Variants in KCNH5 observed in about 807,000 individuals in gnomAD.
KCNH5 encodes the protein voltage-gated delayed rectifier potassium channel KCNH5.
KCNH5 carries 46 observed loss-of-function variants against 96.1 expected under a neutral mutation model. That is an observed-to-expected ratio of 0.48 (90% CI 0.38 to 0.61). KCNH5 has a LOEUF of 0.61. KCNH5 is among the 20% of genes least tolerant of loss of function. KCNH5 has a pLI of 0.00. For synonymous variants in KCNH5, 439 were observed against 449.8 expected, an observed-to-expected ratio of 0.98 and a Z score of 0.30; for missense variants, 907 against 1,225.8, an observed-to-expected ratio of 0.74 and a Z score of 3.88.
intron 10 of KCNH5, among the ~76,000 whole-genome samples, chr14:62,722,018 T>C (rs772969783): frequency 2.0e-5 from 3 of 152,218 alleles, no homozygotes; most frequent in Non-Finnish European, 4.4e-5. Flanking sequence ...AGCACTGGAA[T>C]TGCCACCTAA....
intron 7 of KCNH5, among the ~76,000 whole-genome samples, chr14:62,923,567 T>C (rs1427705982): frequency 6.6e-6 from 1 of 151,910 alleles, no homozygotes; most frequent in Non-Finnish European, 1.5e-5. Context: ...GATTTCAAAT[T>C]ATATTACAAA....
chr14:62,907,639 C>G (rs1889055737), intron 7 of KCNH5, among the ~76,000 whole-genome samples: 1 of 152,180 alleles, frequency 6.6e-6, no homozygotes, highest in Non-Finnish European at 1.5e-5. Flanking sequence ...ATTGCCTAGA[C>G]AAGGAGTCTG....
chr14:62,748,868 G>T (rs1363086061), intron 10 of KCNH5, among the ~76,000 whole-genome samples: 3 of 152,076 alleles, frequency 2.0e-5, no homozygotes, highest in Non-Finnish European at 4.4e-5. Flanking sequence ...TCCCACAAAA[G>T]CAAAGTAAAA....
At chr14:62,708,971 C>A in intron 10 of KCNH5, among the ~76,000 whole-genome samples, 1 of 152,126 alleles carries the variant, frequency 6.6e-6, no homozygotes, top group Non-Finnish European at 1.5e-5. Flanking sequence ...GTTGGCCGGG[C>A]GCGGCGGCTC....
intron 1 of KCNH5, among the ~76,000 whole-genome samples, chr14:63,027,008 T>C (rs374355438): frequency 6.6e-6 from 1 of 152,028 alleles, no homozygotes; most frequent in South Asian, 2.1e-4. Flanking sequence ...TAATGAAATA[T>C]TATACAGCCT....
chr14:62,897,207 T>C (rs1279687900), intron 7 of KCNH5, among the ~76,000 whole-genome samples: 2 of 151,688 alleles, frequency 1.3e-5, no homozygotes, highest in Non-Finnish European at 2.9e-5. Flanking sequence ...CTAAAGACAA[T>C]GCATGAGTCC....
chr14:62,915,960 C>CT (rs71451285), intron 7 of KCNH5, among the ~76,000 whole-genome samples: 28,100 of 136,036 alleles, frequency 0.21, 3,189 homozygotes, highest in African/African-American at 0.3. Flanking sequence ...TCTTTTTTTT[C>CT]TTTTTTTTTT....
intron 7 of KCNH5, among the ~76,000 whole-genome samples, chr14:62,851,976 A>G (rs945954475): frequency 6.6e-6 from 1 of 152,150 alleles, no homozygotes; most frequent in Non-Finnish European, 1.5e-5. Flanking sequence ...AATGTATTAA[A>G]AGTCTGCAGC....
intron 8 of KCNH5, among the ~76,000 whole-genome samples, chr14:62,806,662 T>C (rs1007483594): frequency 6.6e-6 from 1 of 151,914 alleles, no homozygotes; most frequent in East Asian, 1.9e-4. Context: ...AGTTAGAGTC[T>C]CTCCCAAGAC....
chr14:62,974,074 A>G, intron 6 of KCNH5, among the ~76,000 whole-genome samples: 1 of 152,244 alleles, frequency 6.6e-6, no homozygotes, highest in East Asian at 1.9e-4. Flanking sequence ...ACAATAATTT[A>G]GAAAATTATC....
intron 10 of KCNH5, among the ~76,000 whole-genome samples, chr14:62,773,734 C>T (rs1285605420): frequency 6.6e-6 from 1 of 152,184 alleles, no homozygotes; most frequent in Non-Finnish European, 1.5e-5. Flanking sequence ...AAATCTCAGG[C>T]ATGCTTATTG....
chr14:62,851,734 C>T (rs1278765936), intron 7 of KCNH5, among the ~76,000 whole-genome samples: 2 of 151,920 alleles, frequency 1.3e-5, no homozygotes, highest in Non-Finnish European at 2.9e-5. Context: ...TTTAGTAGTG[C>T]TCAGCTATCA....
At chr14:62,800,898 C>T (rs180779777) in intron 9 of KCNH5, among the ~76,000 whole-genome samples, 5 of 151,430 alleles carry the variant, frequency 3.3e-5, no homozygotes, top group Admixed American at 3.3e-4. Flanking sequence ...TTAAACATAC[C>T]CAGAATGTTG....
intron 9 of KCNH5, among the ~76,000 whole-genome samples, chr14:62,789,880 T>C (rs1489112851): frequency 6.6e-6 from 1 of 151,952 alleles, no homozygotes; most frequent in South Asian, 2.1e-4. Context: ...TTGTTTCCCT[T>C]GCTGTACAGA....
At chr14:62,737,955 T>C (rs1885193485) in intron 10 of KCNH5, among the ~76,000 whole-genome samples, 1 of 152,098 alleles carries the variant, frequency 6.6e-6, no homozygotes, top group Non-Finnish European at 1.5e-5. Context: ...ATTTTTCCTA[T>C]ACCCGCCTAC....
chr14:62,862,379 G>A (rs1030140501), intron 7 of KCNH5, among the ~76,000 whole-genome samples: 10 of 152,100 alleles, frequency 6.6e-5, no homozygotes, highest in African/African-American at 2.4e-4. Flanking sequence ...GTCTTAATAT[G>A]TCTTCTGGCT....
chr14:63,044,521 A>C (rs1891885371), intron 1 of KCNH5, among the ~76,000 whole-genome samples: 1 of 152,234 alleles, frequency 6.6e-6, no homozygotes, highest in South Asian at 2.1e-4. Context: ...AGCAAGAAGA[A>C]ACTTGAAGCA....
chr14:62,765,640 CA>C (rs1185073820), intron 10 of KCNH5, among the ~76,000 whole-genome samples: 1 of 152,008 alleles, frequency 6.6e-6, no homozygotes, highest in Non-Finnish European at 1.5e-5. Flanking sequence ...GACTAATATC[CA>C]GAATCTAAAA....
At chr14:62,976,130 G>A (rs1890494139) in intron 6 of KCNH5, among the ~76,000 whole-genome samples, 2 of 151,510 alleles carry the variant, frequency 1.3e-5, no homozygotes, top group South Asian at 4.1e-4. Context: ...GCCAGGTGCA[G>A]TGGCTCACGC....
Sources: allele counts gnomAD v4.1 joint callset (sites outside exome capture counted in the v4.1 genomes callset), GRCh38; gene constraint gnomAD v4.1.1; transcripts MANE v1.5; gene names NCBI Gene and HGNC (gene_info 2026-07-23, HGNC 2026-07-21).